The following GABRB1 variants were observed in gnomAD, a reference collection of about 807,000 sequenced individuals.
The protein encoded by GABRB1 is gamma-aminobutyric acid receptor subunit beta-1.
A neutral mutation model predicts 51.6 loss-of-function variants in GABRB1; 17 were observed. That is an observed-to-expected ratio of 0.33 (90% CI 0.23 to 0.49). The LOEUF (loss-of-function observed/expected upper bound fraction) is 0.49. Among genes scored for constraint, GABRB1 ranks in the 20% least tolerant of loss-of-function variants. The probability of loss-of-function intolerance (pLI) is 0.99; values close to 1 mark genes in which losing one functional copy is unlikely to be tolerated. For synonymous variants in GABRB1, 247 were observed against 218.9 expected (o/e 1.13, Z -1.14); for missense variants, 410 against 600.6 (o/e 0.68, Z 3.32).
chr4:47,193,313 G>T (rs182553107), intron 4 of GABRB1, among the ~76,000 whole-genome samples: 11 of 152,148 alleles, frequency 7.2e-5, no homozygotes, highest in African/African-American at 2.7e-4. Flanking sequence ...GTAGAGACAG[G>T]ATTTCTCCAC....
Position 47,246,337 on chromosome 4 carries a change from CATATATATATAT to C in GABRB1, c.462-73742_462-73731del, listed in dbSNP as rs60968247. The stretch of plus-strand genomic sequence containing the variant: ...ACACACACACACACACACATATGTA[CATATATATATAT>C]ATATATATATATATATATATATATA... On this transcript the variant is annotated intron_variant, in intron 4 of 8. Transcript: ENST00000295454. Among the ~76,000 whole-genome samples, 157 of 53,266 alleles carry C rather than the reference CATATATATATAT, an allele frequency of 2.9e-3. 2 individuals carry two copies. The highest frequency in any genetic ancestry group is 4.5e-3 in the Non-Finnish European group (111 of 24,474). 34.9% of individuals were successfully genotyped at this position (53,266 alleles called of 152,430 possible).
At chr4:47,110,278 TA>T (rs199851246) in intron 3 of GABRB1, among the ~76,000 whole-genome samples, 6 of 151,280 alleles carry the variant, frequency 4.0e-5, no homozygotes, top group Middle Eastern at 3.4e-3. Context: ...TTAAGAAGAT[TA>T]AAAAAAAATA....
At chr4:47,086,395 A>T (rs1054399438) in intron 3 of GABRB1, among the ~76,000 whole-genome samples, 1 of 152,078 alleles carries the variant, frequency 6.6e-6, no homozygotes. Context: ...ATCAAAATCA[A>T]CCCCCCTTTA....
intron 3 of GABRB1, among the ~76,000 whole-genome samples, chr4:47,064,641 CAA>C (rs33963952): frequency 2.4e-4 from 14 of 58,234 alleles, no homozygotes; most frequent in East Asian, 6.0e-4. Context: ...GACTCCATCT[CAA>C]AAAAAAAAAA....
At position 47,256,430 on chromosome 4, in the gene GABRB1, T is replaced by C. The variant is rs970916017; in HGVS notation, c.462-63697T>C. On this transcript the variant is annotated intron_variant, in intron 4 of 8. Coordinates refer to ENST00000295454, the MANE Select transcript of GABRB1 (RefSeq NM_000812.4). ...CCCATGTGTGTAAGAATAATTAATG[T>C]TTGCTATTTTGCATTTAATCCCTGT... Among the ~76,000 whole-genome samples the C allele has an allele frequency of 4.6e-5, 7 of 152,230 alleles. 1 individual carries two copies. The South Asian group carries it at 8.3e-4, about 18-fold the overall frequency.
At chr4:47,338,352 C>T (rs145042451) in intron 5 of GABRB1, among the ~76,000 whole-genome samples, 1 of 152,318 alleles carries the variant, frequency 6.6e-6, no homozygotes, top group Non-Finnish European at 1.5e-5. Flanking sequence ...AAGATGACTA[C>T]ATCCTAGTCC....
intron 3 of GABRB1, among the ~76,000 whole-genome samples, chr4:47,035,588 T>G (rs1725517773): frequency 6.6e-6 from 1 of 152,108 alleles, no homozygotes; most frequent in Non-Finnish European, 1.5e-5. Context: ...TGATTTCCAT[T>G]TATATATTAT....
intron 1 of GABRB1, among the ~76,000 whole-genome samples, chr4:47,009,340 C>A (rs1012559142): frequency 2.0e-5 from 3 of 150,662 alleles, no homozygotes; most frequent in Admixed American, 1.3e-4. Context: ...CATTATGTAC[C>A]CATAATAATT....
intron 4 of GABRB1, among the ~76,000 whole-genome samples, chr4:47,180,542 A>AT (rs1718900689): frequency 6.6e-6 from 1 of 152,032 alleles, no homozygotes; most frequent in Non-Finnish European, 1.5e-5. Context: ...AGACTTAGTT[A>AT]TTTGGATGCT....
intron 4 of GABRB1, among the ~76,000 whole-genome samples, chr4:47,172,793 C>T (rs965773394): frequency 5.9e-5 from 9 of 151,976 alleles, no homozygotes; most frequent in African/African-American, 2.2e-4. Flanking sequence ...AGGCATGCGC[C>T]ACCATGCTCA....
At chr4:47,358,571 T>C (rs1726676293) in intron 5 of GABRB1, among the ~76,000 whole-genome samples, 1 of 152,078 alleles carries the variant, frequency 6.6e-6, no homozygotes, top group South Asian at 2.1e-4. Flanking sequence ...GAATGCCAAA[T>C]TACTTCTGTA....
intron 5 of GABRB1, among the ~76,000 whole-genome samples, chr4:47,352,616 G>A (rs932908879): frequency 3.9e-5 from 6 of 152,030 alleles, no homozygotes; most frequent in African/African-American, 9.7e-5. Flanking sequence ...TTCAATATAC[G>A]CAAATCAATA....
chr4:47,270,848 GT>G (rs2109892794), intron 4 of GABRB1, among the ~76,000 whole-genome samples: 1 of 152,244 alleles, frequency 6.6e-6, no homozygotes, highest in East Asian at 1.9e-4. Context: ...ACTTCAAATG[GT>G]TTGTTTATCC....
At chr4:47,231,513 C>T (rs1721142903) in intron 4 of GABRB1, among the ~76,000 whole-genome samples, 1 of 151,990 alleles carries the variant, frequency 6.6e-6, no homozygotes, top group South Asian at 2.1e-4. Flanking sequence ...TGTAAATGTA[C>T]TTAGAAGGAA....
intron 5 of GABRB1, among the ~76,000 whole-genome samples, chr4:47,369,093 G>C (rs991239234): frequency 2.6e-5 from 4 of 152,194 alleles, no homozygotes; most frequent in Admixed American, 2.6e-4. Context: ...GGGTAACAGA[G>C]AGAGACTCCG....
At chr4:47,016,406 T>G (rs978941521) in intron 1 of GABRB1, among the ~76,000 whole-genome samples, 1 of 152,134 alleles carries the variant, frequency 6.6e-6, no homozygotes, top group East Asian at 1.9e-4. Flanking sequence ...GTAATAAAAA[T>G]TTTTGAAAAT....
At chr4:47,026,378 GT>G (rs1220050349) in intron 1 of GABRB1, among the ~76,000 whole-genome samples, 1 of 151,888 alleles carries the variant, frequency 6.6e-6, no homozygotes, top group East Asian at 1.9e-4. Context: ...TTGTTCTCCA[GT>G]TAATATCAGG....
At chr4:47,409,648 TC>T (rs1409963758) in intron 8 of GABRB1, among the ~76,000 whole-genome samples, 4 of 152,242 alleles carry the variant, frequency 2.6e-5, no homozygotes, top group African/African-American at 9.6e-5. Context: ...AAATGCCTGT[TC>T]CCATTTAGAG....
chr4:47,270,447 C>A (rs1010515884), intron 4 of GABRB1, among the ~76,000 whole-genome samples: 1 of 152,180 alleles, frequency 6.6e-6, no homozygotes, highest in African/African-American at 2.4e-5. Flanking sequence ...AGCCCAGTCA[C>A]AATTTTGGCT....
Sources: gnomAD v4.1 joint callset for allele counts (sites outside exome capture counted in the v4.1 genomes callset) on GRCh38, gnomAD v4.1.1 for gene constraint, MANE v1.5 for transcripts, NCBI Gene and HGNC (gene_info 2026-07-23, HGNC 2026-07-21) for gene names.